Variants in CTNNBIP1 observed in about 807,000 individuals in gnomAD.
CTNNBIP1 encodes catenin beta interacting protein 1.
In CTNNBIP1, 7 loss-of-function variants were observed where a neutral mutation model predicts 11.8. That is an observed-to-expected ratio of 0.60 (90% CI 0.34 to 1.12). The LOEUF is 1.12. Ranked by LOEUF, CTNNBIP1 falls within the 50% of genes most tolerant of loss-of-function variation. CTNNBIP1 has a pLI of 0.03. For synonymous variants in CTNNBIP1, 58 were observed against 43.9 expected (o/e 1.32, Z -1.26); for missense variants, 101 against 113.4 (o/e 0.89, Z 0.50).
chr1:9,895,364 A>G (rs1639389045), intron 1 of CTNNBIP1, among the ~76,000 whole-genome samples: 1 of 151,172 alleles, frequency 6.6e-6, no homozygotes. Context: ...ATGCCCAGCT[A>G]ATTTTTGTAT....
intron 1 of CTNNBIP1, among the ~76,000 whole-genome samples, chr1:9,898,125 A>T (rs371351047): frequency 2.5e-4 from 38 of 151,826 alleles, no homozygotes; most frequent in Admixed American, 9.8e-4. Context: ...AGCAAAAAAA[A>T]AAAATAAATA....
intron 1 of CTNNBIP1, among the ~76,000 whole-genome samples, chr1:9,886,390 C>T (rs941510219): frequency 1.8e-4 from 21 of 117,106 alleles, no homozygotes; most frequent in African/African-American, 1.6e-3. Flanking sequence ...TTGTGACAAT[C>T]GAATCGAATA....
chr1:9,908,480 T>C (rs1375448737), intron 1 of CTNNBIP1, among the ~76,000 whole-genome samples: 1 of 150,312 alleles, frequency 6.7e-6, no homozygotes, highest in East Asian at 2.0e-4. Context: ...TTCACGCCAT[T>C]CTCCTGCCTC....
intron 3 of CTNNBIP1, among the ~76,000 whole-genome samples, chr1:9,876,845 T>TACACATACACAC: frequency 1.4e-5 from 2 of 138,210 alleles, no homozygotes; most frequent in South Asian, 2.5e-4. Flanking sequence ...CTGCTATACA[T>TACACATACACAC]ACACACACAC....
chr1:9,866,965 C>T (rs895339414), intron 5 of CTNNBIP1, among the ~76,000 whole-genome samples: 1 of 152,176 alleles, frequency 6.6e-6, no homozygotes, highest in East Asian at 1.9e-4. Flanking sequence ...AGTCCTCGGG[C>T]GCCGTGTACT....
chr1:9,882,637 C>A (rs1639107270), intron 2 of CTNNBIP1, among the ~76,000 whole-genome samples: 1 of 151,984 alleles, frequency 6.6e-6, no homozygotes, highest in African/African-American at 2.4e-5. Flanking sequence ...GGAGCAGAGG[C>A]TGGGGTGGAG....
chr1:9,864,531 T>C (rs983923092), intron 5 of CTNNBIP1, among the ~76,000 whole-genome samples: 2 of 152,196 alleles, frequency 1.3e-5, no homozygotes, highest in Admixed American at 6.5e-5. Context: ...AGTTTCACCA[T>C]GTTAGCCAGG....
intron 1 of CTNNBIP1, among the ~76,000 whole-genome samples, chr1:9,894,917 T>C (rs1038032040): frequency 6.8e-6 from 1 of 147,850 alleles, no homozygotes; most frequent in African/African-American, 2.6e-5. Flanking sequence ...TTTTTTTTTT[T>C]TTTTTTTTGA....
intron 1 of CTNNBIP1, among the ~76,000 whole-genome samples, chr1:9,907,234 G>A (rs932532397): frequency 2.0e-5 from 3 of 152,072 alleles, no homozygotes; most frequent in South Asian, 2.1e-4. Context: ...GCAGTGGCAC[G>A]ATCTTGGCTC....
chr1:9,857,428 T>TTGTAGTGAGC (rs1417675183), intron 5 of CTNNBIP1, among the ~76,000 whole-genome samples: 1 of 150,258 alleles, frequency 6.7e-6, no homozygotes. Context: ...GAGGCAGAGC[T>TTGTAGTGAGC]TGTAGTGAGC....
chr1:9,904,578 A>G (rs1257766601), intron 1 of CTNNBIP1, among the ~76,000 whole-genome samples: 2 of 152,084 alleles, frequency 1.3e-5, no homozygotes, highest in Non-Finnish European at 2.9e-5. Flanking sequence ...AACCCTCTAT[A>G]GAGGGGCCTG....
intron 1 of CTNNBIP1, among the ~76,000 whole-genome samples, chr1:9,904,732 T>G (rs1379266481): frequency 6.6e-6 from 1 of 152,068 alleles, no homozygotes; most frequent in Non-Finnish European, 1.5e-5. Flanking sequence ...GCTGCAAAAC[T>G]CCAAGACTAC....
chr1:9,884,828 C>T (rs944362154), intron 1 of CTNNBIP1, among the ~76,000 whole-genome samples: 5 of 151,922 alleles, frequency 3.3e-5, no homozygotes, highest in Admixed American at 6.6e-5. Flanking sequence ...TGAGCAAAGA[C>T]GGGAAGACAG....
intron 5 of CTNNBIP1, among the ~76,000 whole-genome samples, chr1:9,854,942 G>A (rs959718205): frequency 6.6e-6 from 1 of 152,172 alleles, no homozygotes; most frequent in African/African-American, 2.4e-5. Flanking sequence ...CTCCCAAAGT[G>A]CTGGGATTAC....
intron 1 of CTNNBIP1, among the ~76,000 whole-genome samples, chr1:9,906,055 C>T (rs1458391745): frequency 6.6e-6 from 1 of 152,200 alleles, no homozygotes; most frequent in Non-Finnish European, 1.5e-5. Flanking sequence ...TTAGCATATA[C>T]CAAGTGCTAG....
intron 1 of CTNNBIP1, among the ~76,000 whole-genome samples, chr1:9,899,455 CAAAAA>C (rs754593503): frequency 6.8e-4 from 45 of 65,704 alleles, no homozygotes; most frequent in East Asian, 4.5e-3. Flanking sequence ...GACTCCATCT[CAAAAA>C]AAAAAAAAAA....
chr1:9,904,284 G>T (rs1639577330), intron 1 of CTNNBIP1, among the ~76,000 whole-genome samples: 1 of 151,902 alleles, frequency 6.6e-6, no homozygotes, highest in Non-Finnish European at 1.5e-5. Flanking sequence ...CCACTAACTT[G>T]TGTTGGTCTC....
intron 5 of CTNNBIP1, among the ~76,000 whole-genome samples, chr1:9,861,653 T>C (rs1475807856): frequency 2.0e-5 from 3 of 152,164 alleles, no homozygotes; most frequent in Non-Finnish European, 1.5e-5. Context: ...TGGACGTGCA[T>C]CGAGCTGCCA....
In CTNNBIP1 at chr1:9,872,165, C is replaced by T; in HGVS notation, c.-24-77G>A. 1.1e-6 allele frequency: 1 copy of T among 874,744 alleles called. No individual in the cohort carries two copies. 54.2% of individuals were successfully genotyped at this position (874,744 alleles called of 1,614,324 possible). On this transcript the variant is annotated intron_variant, in intron 3 of 5. Coordinates refer to ENST00000377263, the MANE Select transcript of CTNNBIP1 (RefSeq NM_020248.3). This position sits in a 1 kb window ranked among gnomAD's most constrained non-coding sequence, Gnocchi z 4.0. ...TGGGACAATGACACCTGCTAGTGAC[C>T]CTCACTCCTCCCAGGAGCCGCTTTC...
Sources: gnomAD v4.1 joint callset for allele counts (sites outside exome capture counted in the v4.1 genomes callset) on GRCh38, gnomAD v4.1.1 for gene constraint, Gnocchi (gnomAD v3.1) non-coding constraint, MANE v1.5 for transcripts, NCBI Gene and HGNC (gene_info 2026-07-23, HGNC 2026-07-21) for gene names.